UBAP2: variants seen among roughly 807,000 people sequenced by gnomAD.
UBAP2 encodes ubiquitin-associated protein 2.
UBAP2 carries 75 observed loss-of-function variants against 139.6 expected under a neutral mutation model. The ratio of observed to expected loss-of-function variants is 0.54; its 90% CI spans 0.45 to 0.65. UBAP2 has a LOEUF of 0.65. Among genes scored for constraint, UBAP2 ranks in the 30% least tolerant of loss-of-function variants. UBAP2 has a pLI of 0.00. For missense variants in UBAP2, 1,368 were observed against 1,369.6 expected, an observed-to-expected ratio of 1.00 and a Z score of 0.02; for synonymous variants, 526 against 526.2, an observed-to-expected ratio of 1.00 and a Z score of 0.01.
rs1349459974 is a variant in UBAP2, at chr9:34,017,792, T to C, written c.-41-603A>G. On this transcript the variant is annotated intron_variant, in intron 1 of 28. Coordinates refer to ENST00000379238, the MANE Select transcript of UBAP2 (RefSeq NM_001370062.2). ...ATACAAAAAAGTTAGCCGGGCATGG[T>C]GGCAGGCATCTGTAGTCCCAGCTAC... 4.6e-5 allele frequency among the ~76,000 whole-genome samples: 7 copies of C among 151,966 alleles called. No individual in the cohort carries two copies. In the South Asian group the frequency reaches 1.0e-3, roughly 23 times the overall value.
intron 2 of UBAP2, among the ~76,000 whole-genome samples, chr9:34,002,373 G>C (rs986352968): frequency 1.6e-5 from 2 of 123,716 alleles, no homozygotes; most frequent in African/African-American, 5.9e-5. Context: ...CCACTGCATA[G>C]GTGCTTTTTT....
chr9:34,026,030 A>T (rs1189812230), intron 1 of UBAP2, among the ~76,000 whole-genome samples: 1 of 152,210 alleles, frequency 6.6e-6, no homozygotes, highest in Non-Finnish European at 1.5e-5. Flanking sequence ...GCACAAATTC[A>T]TCTAACTTTA....
intron 1 of UBAP2, among the ~76,000 whole-genome samples, chr9:34,018,395 C>T (rs1276533292): frequency 1.3e-5 from 2 of 151,542 alleles, no homozygotes; most frequent in African/African-American, 2.4e-5. Flanking sequence ...AACCCTTGTG[C>T]ACTGCTGATG....
chr9:34,037,019 C>T (rs1210348419), intron 1 of UBAP2, among the ~76,000 whole-genome samples: 2 of 135,330 alleles, frequency 1.5e-5, no homozygotes, highest in African/African-American at 2.7e-5. Context: ...GAGAGAGTCT[C>T]GCTCTATCAC....
intron 2 of UBAP2, among the ~76,000 whole-genome samples, chr9:34,014,803 A>G (rs1180943461): frequency 6.6e-6 from 1 of 151,884 alleles, no homozygotes; most frequent in African/African-American, 2.4e-5. Context: ...CCATTCATTA[A>G]GCAAACTTTT....
chr9:33,924,707 G>T (rs1441114315), intron 22 of UBAP2, among the ~76,000 whole-genome samples: 1 of 152,164 alleles, frequency 6.6e-6, no homozygotes, highest in Admixed American at 6.5e-5. Context: ...TTTAAGGGGG[G>T]ACAGGGGGCA....
rs572160709 is a variant in UBAP2, at chr9:34,010,894, T to G, written c.99+6156A>C. On this transcript the variant is annotated intron_variant, in intron 2 of 28. Coordinates refer to ENST00000379238, the MANE Select transcript of UBAP2 (RefSeq NM_001370062.2). ...ACTACTTCATGCAGATATGTCAGAG[T>G]AGAAGATAAACCAAAGTCAGGGAGT... Among the ~76,000 whole-genome samples the G allele has an allele frequency of 9.2e-5, 14 of 152,140 alleles. No homozygotes were observed. The South Asian group carries it at 2.7e-3, about 29-fold the overall frequency.
chr9:33,943,363 C>T, intron 15 of UBAP2, 57 bp downstream of exon 15: 1 of 1,545,078 alleles, frequency 6.5e-7, no homozygotes, highest in Non-Finnish European at 8.8e-7. Flanking sequence ...TTCTTTTCCA[C>T]CAGTTGATCT....
In UBAP2 at chr9:33,960,502, G is replaced by A. The variant is rs542880533; in HGVS notation, c.798+324C>T. ...AAAGAAAGACAGGTATCGGCCAGGC[G>A]CAGTGTCTCACGCCTATAATCCCAG... is the stretch of plus-strand genomic sequence containing the variant. On this transcript the variant is annotated intron_variant, in intron 10 of 28. Transcript: ENST00000379238. Among the ~76,000 whole-genome samples the A allele has an allele frequency of 2.0e-4, 30 of 152,174 alleles. 1 individual carries two copies. The highest frequency in any genetic ancestry group is 6.3e-4 in the African/African-American group (26 of 41,532).
At chr9:34,017,471 A>G (rs1247854635) in intron 1 of UBAP2, among the ~76,000 whole-genome samples, 6 of 152,190 alleles carry the variant, frequency 3.9e-5, no homozygotes, top group Admixed American at 3.9e-4. Context: ...GTCACTGTAC[A>G]TGAAGTGCTA....
intron 1 of UBAP2, among the ~76,000 whole-genome samples, chr9:34,046,828 A>C (rs1227933721): frequency 3.3e-5 from 5 of 152,088 alleles, no homozygotes; most frequent in Non-Finnish European, 7.4e-5. Context: ...TCACACCATC[A>C]CACCATTTCT....
chr9:33,957,711 A>G (rs1826684913), intron 10 of UBAP2, among the ~76,000 whole-genome samples: 1 of 152,176 alleles, frequency 6.6e-6, no homozygotes, highest in Non-Finnish European at 1.5e-5. Context: ...ATGAGGTAAC[A>G]CGGAAAACAT....
chr9:33,978,417 G>A (rs1465772651), intron 6 of UBAP2, among the ~76,000 whole-genome samples: 5 of 152,058 alleles, frequency 3.3e-5, no homozygotes, highest in Admixed American at 6.6e-5. Context: ...CATAGTAGGT[G>A]CTCAAAATTA....
In UBAP2 at chr9:33,942,737, A is replaced by AAAAAG. The variant is rs1554681693; in HGVS notation, c.1715+678_1715+682dup. On this transcript the variant is annotated intron_variant, in intron 15 of 28. Transcript: ENST00000379238. The stretch of plus-strand genomic sequence containing the variant: ...AGCAAGACCCTATCTCAAAAAAAAA[A>AAAAAG]AAAAGAAAAGAAAAGAAAACTAAAA... Among the ~76,000 whole-genome samples, 11 of 149,182 alleles carry AAAAAG rather than the reference A, an allele frequency of 7.4e-5. No homozygotes were observed. The South Asian group carries it at 8.4e-4, about 11-fold the overall frequency.
chr9:33,963,482 G>A (rs923294718), intron 9 of UBAP2, among the ~76,000 whole-genome samples: 4 of 152,152 alleles, frequency 2.6e-5, no homozygotes, highest in Non-Finnish European at 5.9e-5. Context: ...GTCCTCTAAC[G>A]AATGTATGTT....
At chr9:33,956,757 T>C (rs1826596765) in intron 10 of UBAP2, among the ~76,000 whole-genome samples, 1 of 152,112 alleles carries the variant, frequency 6.6e-6, no homozygotes, top group South Asian at 2.1e-4. Context: ...CACTTCTCTA[T>C]TTGTCATTAC....
intron 3 of UBAP2, chr9:33,996,717 C>T (rs1822235399): frequency 6.1e-6 from 1 of 164,066 alleles, no homozygotes; most frequent in East Asian, 1.8e-4. Flanking sequence ...ACACGGTCAT[C>T]ATTCATGGAA....
intron 1 of UBAP2, among the ~76,000 whole-genome samples, chr9:34,017,962 G>C (rs1166704932): frequency 6.6e-6 from 1 of 151,572 alleles, no homozygotes; most frequent in Non-Finnish European, 1.5e-5. Flanking sequence ...AATTTTCTTT[G>C]ATTTGTTGAA....
intron 1 of UBAP2, among the ~76,000 whole-genome samples, chr9:34,042,279 C>T (rs1827165179): frequency 1.3e-5 from 2 of 151,628 alleles, no homozygotes; most frequent in African/African-American, 4.8e-5. Context: ...GAGTTTGAGA[C>T]CAGCCTGGCC....
Sources: gnomAD v4.1 joint callset for allele counts (sites outside exome capture counted in the v4.1 genomes callset) on GRCh38, gnomAD v4.1.1 for gene constraint, MANE v1.5 for transcripts, NCBI Gene and HGNC (gene_info 2026-07-23, HGNC 2026-07-21) for gene names.